The following DYM variants were observed in gnomAD, a reference collection of about 807,000 sequenced individuals.
DYM encodes dymeclin.
Under a neutral mutation model 93.1 loss-of-function variants are expected in DYM, and 78 were observed. That is an observed-to-expected ratio of 0.84 (90% CI 0.70 to 1.01). The LOEUF (loss-of-function observed/expected upper bound fraction) is 1.01. DYM is among the 50% of genes least tolerant of loss of function. The pLI is 0.00. For synonymous variants in DYM, 321 were observed against 319.7 expected (o/e 1.00, Z -0.04); for missense variants, 789 against 845.0 (o/e 0.93, Z 0.82).
At chr18:49,403,281 A>G (rs78936049) in intron 2 of DYM, among the ~76,000 whole-genome samples, 14,510 of 152,236 alleles carry the variant, frequency 0.095, 898 homozygotes, top group East Asian at 0.31. Flanking sequence ...AACAACTGTA[A>G]GTGATCTGCT....
At chr18:49,173,623 G>C (rs1366136436) in intron 14 of DYM, among the ~76,000 whole-genome samples, 1 of 152,034 alleles carries the variant, frequency 6.6e-6, no homozygotes, top group Non-Finnish European at 1.5e-5. Context: ...GCTATATGCT[G>C]ACAATAACAA....
chr18:49,443,288 G>A (rs888811083), intron 1 of DYM, among the ~76,000 whole-genome samples: 10 of 152,138 alleles, frequency 6.6e-5, no homozygotes, highest in African/African-American at 2.2e-4. Context: ...ATGGTCTATA[G>A]CTGTTTTCCT....
chr18:49,218,940 C>G (rs891134300), intron 13 of DYM, among the ~76,000 whole-genome samples: 3 of 152,068 alleles, frequency 2.0e-5, no homozygotes, highest in Non-Finnish European at 4.4e-5. Context: ...ACACAAAAAA[C>G]CCTTCAAAAA....
In DYM at chr18:49,119,168, A is replaced by G. The variant is rs554919834; in HGVS notation, c.1729-242T>C. Among the ~76,000 whole-genome samples, 12 of 152,338 alleles carry G rather than the reference A, an allele frequency of 7.9e-5. No individual in the cohort carries two copies. In the East Asian group the frequency reaches 2.3e-3, roughly 29 times the overall value. On this transcript the variant is annotated intron_variant, in intron 15 of 17. Transcript: ENST00000675505. ...AATTAGGAATTTCATATAATAAATTATAGACTTACCAATCTAGAGGGAAAT... is the reference window on the plus strand; with the variant it reads ...AATTAGGAATTTCATATAATAAATTGTAGACTTACCAATCTAGAGGGAAAT...
intron 17 of DYM, among the ~76,000 whole-genome samples, chr18:49,051,962 C>T (rs553601833): frequency 1.3e-5 from 2 of 152,374 alleles, no homozygotes; most frequent in East Asian, 3.9e-4. Context: ...ATAGCGCCAG[C>T]TCCTCTCCCA....
At chr18:49,133,720 C>G (rs2083577027) in intron 15 of DYM, among the ~76,000 whole-genome samples, 1 of 152,216 alleles carries the variant, frequency 6.6e-6, no homozygotes, top group South Asian at 2.1e-4. Flanking sequence ...TGGTACATCT[C>G]TCCTGCTTTG....
chr18:49,336,079 G>T (rs1351098084), intron 6 of DYM, among the ~76,000 whole-genome samples: 1 of 152,174 alleles, frequency 6.6e-6, no homozygotes, highest in East Asian at 1.9e-4. Context: ...CTCCCAAACT[G>T]CTGGGATTAC....
At chr18:49,137,618 G>A (rs577165047) in intron 15 of DYM, among the ~76,000 whole-genome samples, 2 of 152,258 alleles carry the variant, frequency 1.3e-5, no homozygotes, top group East Asian at 3.9e-4. Context: ...AGATAATTTA[G>A]CATTGGATAA....
chr18:49,054,943 G>A (rs1000055), intron 17 of DYM, among the ~76,000 whole-genome samples: 47,699 of 152,156 alleles, frequency 0.31, 8,756 homozygotes, highest in Middle Eastern at 0.45. Context: ...GGCTAGAACT[G>A]GAAGCCCCCT....
chr18:49,312,131 T>C (rs1326528658), intron 8 of DYM, among the ~76,000 whole-genome samples: 3 of 152,046 alleles, frequency 2.0e-5, no homozygotes, highest in African/African-American at 4.8e-5. Context: ...TAACTGAGGG[T>C]ATATTGGGAT....
intron 1 of DYM, among the ~76,000 whole-genome samples, chr18:49,457,578 G>A (rs993143140): frequency 3.3e-5 from 5 of 152,036 alleles, no homozygotes; most frequent in African/African-American, 7.2e-5. Context: ...AGTAAAAGAC[G>A]GCCCTCTCGT....
chr18:49,209,469 G>C, intron 14 of DYM, 82 bp downstream of exon 14: 1 of 878,220 alleles, frequency 1.1e-6, no homozygotes, highest in Non-Finnish European at 1.4e-6. Flanking sequence ...TAATTTAATT[G>C]ACACATGTCT....
intron 2 of DYM, among the ~76,000 whole-genome samples, chr18:49,419,066 A>G (rs920684017): frequency 6.6e-6 from 1 of 152,202 alleles, no homozygotes; most frequent in African/African-American, 2.4e-5. Flanking sequence ...GGGTGATTTA[A>G]GAAAAGAGAA....
intron 13 of DYM, among the ~76,000 whole-genome samples, chr18:49,243,480 C>A (rs2094083905): frequency 6.6e-6 from 1 of 151,984 alleles, no homozygotes; most frequent in African/African-American, 2.4e-5. Context: ...GCCTGGCCAA[C>A]ATTGTAAATC....
intron 17 of DYM, among the ~76,000 whole-genome samples, chr18:49,087,056 C>T (rs1014966961): frequency 7.9e-5 from 12 of 151,840 alleles, no homozygotes; most frequent in Non-Finnish European, 1.3e-4. Context: ...ACCCCTTCTG[C>T]CATGTGGAAG....
At chr18:49,312,564 A>T (rs1366815422) in intron 8 of DYM, among the ~76,000 whole-genome samples, 1 of 152,206 alleles carries the variant, frequency 6.6e-6, no homozygotes, top group East Asian at 1.9e-4. Context: ...TCCCCTATGC[A>T]TCCCCTCTCT....
At chr18:49,200,203 G>A (rs1040588270) in intron 14 of DYM, among the ~76,000 whole-genome samples, 2 of 151,656 alleles carry the variant, frequency 1.3e-5, no homozygotes, top group African/African-American at 2.4e-5. Flanking sequence ...TTGGGAGGAG[G>A]GTAGAGAAAA....
chr18:49,402,070 G>C (rs2070916378), intron 2 of DYM, among the ~76,000 whole-genome samples: 1 of 151,732 alleles, frequency 6.6e-6, no homozygotes, highest in African/African-American at 2.4e-5. Context: ...CAACTATAGA[G>C]GAAGCTCTTA....
intron 17 of DYM, among the ~76,000 whole-genome samples, chr18:49,060,119 T>G (rs1423330486): frequency 1.3e-5 from 2 of 152,182 alleles, no homozygotes; most frequent in Admixed American, 1.3e-4. Flanking sequence ...AGCAATCCTC[T>G]AACATAACCT....
Sources: allele counts gnomAD v4.1 joint callset (sites outside exome capture counted in the v4.1 genomes callset), GRCh38; gene constraint gnomAD v4.1.1; transcripts MANE v1.5; gene names NCBI Gene and HGNC (gene_info 2026-07-23, HGNC 2026-07-21).